The following ADGRG5 variants were observed in gnomAD, a reference collection of about 807,000 sequenced individuals.
ADGRG5 encodes adhesion G protein-coupled receptor G5.
A neutral mutation model predicts 53.2 loss-of-function variants in ADGRG5; 37 were observed. That is an observed-to-expected ratio of 0.70 (90% CI 0.53 to 0.91). The LOEUF is 0.91. Ranked by LOEUF, ADGRG5 falls within the 40% of genes least tolerant of loss-of-function variation. The pLI is 0.00. For missense variants in ADGRG5, 614 were observed against 675.8 expected, an observed-to-expected ratio of 0.91 and a Z score of 1.01; for synonymous variants, 277 against 290.4, an observed-to-expected ratio of 0.95 and a Z score of 0.47.
Position 57,563,237 on chromosome 16 carries a change from G to T in ADGRG5, c.287G>T (p.Arg96Leu). The T allele has an allele frequency of 2.5e-6, 4 of 1,613,806 alleles. No homozygotes were observed. The highest frequency in any genetic ancestry group is 3.4e-6 in the Non-Finnish European group (4 of 1,180,004). ...GLSLTSATLKRVPQAGGQHAR... is the reference protein window; with the variant it reads ...GLSLTSATLKLVPQAGGQHAR... ...TCGCTGACCAGTGCCACTCTGAAGC[G>T]GGTGCCCCAGGTCAGAGGCTGCGGG... The change falls in exon 4 of 12, where the codon CGG becomes CTG. Residue 96 changes from arginine (R) to leucine (L), a missense_variant. Arg to Leu is a moderately radical substitution (Grantham distance 102, BLOSUM62 -2). Coordinates refer to ENST00000349457, the MANE Select transcript of ADGRG5 (RefSeq NM_001304376.3).
At chr16:57,545,333 T>C (rs2032591184) in intron 1 of ADGRG5, among the ~76,000 whole-genome samples, 1 of 152,192 alleles carries the variant, frequency 6.6e-6, no homozygotes, top group South Asian at 2.1e-4. Context: ...GGACTGGAGA[T>C]TTCAATTTGA....
chr16:57,552,210 A>T (rs563950467), intron 1 of ADGRG5, among the ~76,000 whole-genome samples: 1 of 152,306 alleles, frequency 6.6e-6, no homozygotes, highest in South Asian at 2.1e-4. Context: ...ATTGGCTTCC[A>T]TTGAAAGTCA....
intron 6 of ADGRG5, 150 bp downstream of exon 6, chr16:57,565,300 GAA>G (rs748609425): frequency 5.0e-5 from 33 of 653,990 alleles, no homozygotes; most frequent in African/African-American, 7.2e-5. Flanking sequence ...AAGAGAGAGA[GAA>G]GTTTTTACTC....
chr16:57,531,848 T>G, the ADGRG5 span, among the ~76,000 whole-genome samples: 1 of 152,218 alleles, frequency 6.6e-6, no homozygotes, highest in Non-Finnish European at 1.5e-5. Flanking sequence ...CTCCACTGCT[T>G]TGCCCACTCT....
At chr16:57,536,287 G>A in the ADGRG5 span, among the ~76,000 whole-genome samples, 2 of 147,228 alleles carry the variant, frequency 1.4e-5, no homozygotes, top group Non-Finnish European at 3.0e-5. Flanking sequence ...CCTCCCCACC[G>A]GAGACCTGGG....
intron 1 of ADGRG5, among the ~76,000 whole-genome samples, chr16:57,553,162 C>T (rs772276024): frequency 6.6e-6 from 1 of 152,094 alleles, no homozygotes; most frequent in Non-Finnish European, 1.5e-5. Flanking sequence ...CAAAACAGGA[C>T]CCAGCCATTA....
chr16:57,567,418 G>C, intron 7 of ADGRG5, 52 bp from the exon 8 acceptor site: 1 of 1,590,236 alleles, frequency 6.3e-7, no homozygotes, highest in Non-Finnish European at 8.5e-7. Flanking sequence ...CTGAGGCTGG[G>C]AGGAAGGGCG....
chr16:57,550,840 C>T (rs2032731724), intron 1 of ADGRG5, among the ~76,000 whole-genome samples: 1 of 152,018 alleles, frequency 6.6e-6, no homozygotes, highest in African/African-American at 2.4e-5. Context: ...CCATCCTGGC[C>T]AACATGGTGA....
chr16:57,536,906 G>T, the ADGRG5 span, among the ~76,000 whole-genome samples: 1 of 152,136 alleles, frequency 6.6e-6, no homozygotes, highest in African/African-American at 2.4e-5. Flanking sequence ...AACGGCCACC[G>T]CGGGTCCCAG....
intron 10 of ADGRG5, among the ~76,000 whole-genome samples, chr16:57,572,589 G>A (rs1293078549): frequency 2.0e-5 from 3 of 152,240 alleles, no homozygotes; most frequent in Non-Finnish European, 4.4e-5. Flanking sequence ...CTACTCAGGA[G>A]GCTGAGTCAG....
At chr16:57,535,513 C>T in the ADGRG5 span, among the ~76,000 whole-genome samples, 1 of 152,024 alleles carries the variant, frequency 6.6e-6, no homozygotes, top group African/African-American at 2.4e-5. Context: ...ATCTTAGCCA[C>T]CTGAGGGGCA....
In ADGRG5 at chr16:57,562,151, A is replaced by G. The variant is rs115266147; in HGVS notation, c.58A>G (p.Thr20Ala). The stretch of plus-strand genomic sequence containing the variant: ...GTGCCTTCTGACTTTGCAGAATGCA[A>G]CAACAGGTAAGGGGGCTCTGCTGAA... ...CLCLLTLQNA[T>A]TETWEELLSY... is the part of the protein sequence containing the mutation. Residue 20 changes from threonine to alanine, a missense_variant, in exon 2 of 12, where the codon ACA (threonine) becomes GCA (alanine). Physicochemically the swap from Thr to Ala is moderately conservative, Grantham distance 58 (BLOSUM62 0). Transcript: ENST00000349457. The G allele has an allele frequency of 6.8e-4, 1,086 of 1,601,648 alleles. 7 individuals carry two copies. The African/African-American group carries it at 0.013, about 19-fold the overall frequency.
chr16:57,575,636 CCA>C lies in ADGRG5; in HGVS notation c.*99_*100del, dbSNP rs1394316241. ...AGGGTGGCAGGCCTGCTGCTGGACC[CCA>C]GAGGCCACTGTGACCGCCAAGGGGC... On this transcript the variant is annotated 3_prime_UTR_variant, in exon 12 of 12. Coordinates refer to ENST00000349457, the MANE Select transcript of ADGRG5 (RefSeq NM_001304376.3). 6.5e-6 allele frequency: 6 copies of C among 930,214 alleles called. No homozygotes were observed. The highest frequency in any genetic ancestry group is 4.3e-4 in the Middle Eastern group (2 of 4,630). The allele number at this position is 930,214 out of a possible 1,614,324, so 57.6% of individuals were successfully genotyped here. A position where few individuals can be genotyped will look rare whatever the true frequency, so the allele number is the denominator to read the frequency against.
Position 57,563,845 on chromosome 16 carries a change from C to T in ADGRG5, c.298-3C>T. 6.2e-7 allele frequency: 1 copy of T among 1,613,620 alleles called. No individual in the cohort carries two copies. Among genetic ancestry groups the T allele is most frequent in the Non-Finnish European group, 8.5e-7 (1 of 1,179,966 alleles). Reference sequence around the variant, plus strand: ...CAAACAGCCTGTTTGCGACCCTCTGCAGGCAGGAGGTCAGCATGCCCGGGG... The same window carrying T: ...CAAACAGCCTGTTTGCGACCCTCTGTAGGCAGGAGGTCAGCATGCCCGGGG... On this transcript the variant is annotated splice_region_variant and splice_polypyrimidine_tract_variant and intron_variant, in intron 4 of 11. Transcript: ENST00000349457.
At chr16:57,531,170 C>T in the ADGRG5 span, among the ~76,000 whole-genome samples, 118 of 152,168 alleles carry the variant, frequency 7.8e-4, no homozygotes, top group Middle Eastern at 3.4e-3. Context: ...TACCTCCAAC[C>T]GGATGCCTGA....
At chr16:57,569,501 C>A (rs2033274173) in intron 9 of ADGRG5, among the ~76,000 whole-genome samples, 1 of 152,076 alleles carries the variant, frequency 6.6e-6, no homozygotes, top group African/African-American at 2.4e-5. Context: ...ATCACCTCCT[C>A]CACCTCCATC....
At chr16:57,554,470 A>G (rs947910757) in intron 1 of ADGRG5, among the ~76,000 whole-genome samples, 3 of 151,188 alleles carry the variant, frequency 2.0e-5, no homozygotes, top group South Asian at 2.1e-4. Flanking sequence ...TCTGCCTCCC[A>G]GGTTCACGCC....
chr16:57,531,359 C>G, the ADGRG5 span, among the ~76,000 whole-genome samples: 8 of 152,046 alleles, frequency 5.3e-5, no homozygotes, highest in Non-Finnish European at 1.2e-4. Context: ...TCCTCCCCCA[C>G]CCACCGCCAA....
At chr16:57,561,602 A>G (rs1294132086) in intron 1 of ADGRG5, among the ~76,000 whole-genome samples, 2 of 152,212 alleles carry the variant, frequency 1.3e-5, no homozygotes, top group African/African-American at 4.8e-5. Context: ...AATTTGCTCT[A>G]TTGAAGCAGA....
Sources: allele counts gnomAD v4.1 joint callset (sites outside exome capture counted in the v4.1 genomes callset), GRCh38; gene constraint gnomAD v4.1.1; transcripts MANE v1.5; gene names NCBI Gene and HGNC (gene_info 2026-07-23, HGNC 2026-07-21).